Variants in TRAT1 observed in about 807,000 individuals in gnomAD.
TRAT1 encodes T-cell receptor-associated transmembrane adapter 1.
In TRAT1, 20 loss-of-function variants were observed where a neutral mutation model predicts 20.0. The ratio of observed to expected loss-of-function variants is 1.00; its 90% CI spans 0.70 to 1.45. The LOEUF is 1.45. TRAT1 is among the 40% of genes most tolerant of loss of function. TRAT1 has a pLI of 0.00. For synonymous variants in TRAT1, 77 were observed against 74.2 expected (o/e 1.04, Z -0.20); for missense variants, 237 against 224.1 (o/e 1.06, Z -0.37).
chr3:108,841,548 T>C (rs1576522349), intron 3 of TRAT1, among the ~76,000 whole-genome samples: 1 of 152,244 alleles, frequency 6.6e-6, no homozygotes, highest in East Asian at 1.9e-4. Context: ...CCAACATGGT[T>C]TGTGGCCATA....
At chr3:108,845,696 TAA>T (rs1488956401) in intron 3 of TRAT1, among the ~76,000 whole-genome samples, 2 of 152,126 alleles carry the variant, frequency 1.3e-5, no homozygotes, top group African/African-American at 2.4e-5. Flanking sequence ...TGCCTTGAGA[TAA>T]GAGTCCTTTT....
intron 3 of TRAT1, among the ~76,000 whole-genome samples, chr3:108,843,261 G>T (rs568316821): frequency 4.2e-4 from 64 of 152,138 alleles, no homozygotes; most frequent in African/African-American, 1.4e-3. Flanking sequence ...GCCGGGCGTG[G>T]TGGCTCACGC....
chr3:108,853,671 G>T lies in TRAT1; in HGVS notation c.355G>T (p.Gly119Trp). The change falls in exon 6 of 6, where the codon GGG becomes TGG. Residue 119 changes from glycine (G) to tryptophan (W), a missense_variant. By Grantham distance (184) the Gly-to-Trp change is radical (BLOSUM62 -2). Coordinates refer to ENST00000295756, the MANE Select transcript of TRAT1 (RefSeq NM_016388.4). ...CGCCTCACTTGATCACAGCGTTAAGGGGAAGCGTAGAAAGCCCAGGAAACA... is the reference window on the plus strand; with the variant it reads ...CGCCTCACTTGATCACAGCGTTAAGTGGAAGCGTAGAAAGCCCAGGAAACA... ...CYASLDHSVKGKRRKPRKQNT... is the reference protein window; with the variant it reads ...CYASLDHSVKWKRRKPRKQNT... The T allele has an allele frequency of 6.2e-7, 1 of 1,614,064 alleles. No individual in the cohort carries two copies. The highest frequency in any genetic ancestry group is 8.5e-7 in the Non-Finnish European group (1 of 1,179,962).
chr3:108,850,696 T>C (rs9868445), intron 5 of TRAT1, among the ~76,000 whole-genome samples: 1,636 of 152,330 alleles, frequency 0.011, 26 homozygotes, highest in African/African-American at 0.037. Flanking sequence ...AATTATAAAA[T>C]ATATTTTAGA....
At chr3:108,849,316 G>C in intron 5 of TRAT1, 62 bp downstream of exon 5, 1 of 1,372,048 alleles carries the variant, frequency 7.3e-7, no homozygotes, top group Non-Finnish European at 1.0e-6. Flanking sequence ...AGTACATTAT[G>C]ATACACATCT....
intron 1 of TRAT1, among the ~76,000 whole-genome samples, chr3:108,824,498 G>GT (rs1945719277): frequency 6.6e-6 from 1 of 152,082 alleles, no homozygotes; most frequent in African/African-American, 2.4e-5. Flanking sequence ...TTTTTAAACT[G>GT]TTTATAGCTA....
chr3:108,852,062 C>CACAACAACAACA (rs200204521), intron 5 of TRAT1, among the ~76,000 whole-genome samples: 1 of 151,466 alleles, frequency 6.6e-6, no homozygotes, highest in Non-Finnish European at 1.5e-5. Flanking sequence ...AGAAGCTAGA[C>CACAACAACAACA]ACAACAACAA....
chr3:108,844,843 CAAAAAAAAAA>C (rs71103495), intron 3 of TRAT1, among the ~76,000 whole-genome samples: 1 of 47,842 alleles, frequency 2.1e-5, no homozygotes, highest in African/African-American at 8.5e-5. Flanking sequence ...GACTCTGTCT[CAAAAAAAAAA>C]AAAAAAAAAA....
intron 5 of TRAT1, among the ~76,000 whole-genome samples, 172 bp downstream of exon 5, chr3:108,849,426 A>G (rs1368984185): frequency 6.6e-6 from 1 of 152,232 alleles, no homozygotes; most frequent in Non-Finnish European, 1.5e-5. Flanking sequence ...CCATATTCAA[A>G]GAGTCAAAAT....
At position 108,822,867 on chromosome 3, in the gene TRAT1, G is replaced by A; in HGVS notation, c.-61G>A. ...TCACCTAGGAAAAAAGTTTGTAGGA[G>A]GATTTTTAATCCATATATTTGTCTT... On this transcript the variant is annotated 5_prime_UTR_variant, in exon 1 of 6. Transcript: ENST00000295756. The A allele has an allele frequency of 6.6e-7, 1 of 1,515,022 alleles. No homozygotes were observed. The highest frequency in any genetic ancestry group is 9.1e-7 in the Non-Finnish European group (1 of 1,096,076). 93.8% of individuals were successfully genotyped at this position (1,515,022 alleles called of 1,614,324 possible). A position where few individuals can be genotyped will look rare whatever the true frequency, so the allele number is the denominator to read the frequency against.
Position 108,854,078 on chromosome 3 carries a change from C to T in TRAT1, c.*201C>T. On this transcript the variant is annotated 3_prime_UTR_variant, in exon 6 of 6. Coordinates refer to ENST00000295756, the MANE Select transcript of TRAT1 (RefSeq NM_016388.4). ...CCATGAAAATCAGTATTTCAAATAA[C>T]TTAAAAAATGCTTTACTACTAAAAT... 2.0e-6 allele frequency: 1 copy of T among 497,506 alleles called. No individual in the cohort carries two copies. The highest frequency in any genetic ancestry group is 2.9e-5 in the East Asian group (1 of 33,988). The allele number at this position is 497,506 out of a possible 1,614,324, so 30.8% of individuals were successfully genotyped here.
In TRAT1 at chr3:108,822,866, A is replaced by T; in HGVS notation, c.-62A>T. On this transcript the variant is annotated 5_prime_UTR_variant, in exon 1 of 6. Transcript: ENST00000295756. ...ATCACCTAGGAAAAAAGTTTGTAGGAGGATTTTTAATCCATATATTTGTCT... is the reference window on the plus strand; with the variant it reads ...ATCACCTAGGAAAAAAGTTTGTAGGTGGATTTTTAATCCATATATTTGTCT... 2 of 1,504,528 alleles carry T rather than the reference A, an allele frequency of 1.3e-6. No homozygotes were observed. The highest frequency in any genetic ancestry group is 1.8e-6 in the Non-Finnish European group (2 of 1,085,932). 93.2% of individuals were successfully genotyped at this position (1,504,528 alleles called of 1,614,324 possible).
chr3:108,842,628 A>G (rs937125552), intron 3 of TRAT1, among the ~76,000 whole-genome samples: 8 of 152,150 alleles, frequency 5.3e-5, no homozygotes, highest in African/African-American at 1.9e-4. Context: ...AATTCTGAGA[A>G]TTTCGGGGTT....
chr3:108,843,591 A>G (rs1266813181), intron 3 of TRAT1, among the ~76,000 whole-genome samples: 1 of 152,192 alleles, frequency 6.6e-6, no homozygotes, highest in Non-Finnish European at 1.5e-5. Flanking sequence ...ATTGCCTTAC[A>G]GCTACCTCTT....
At position 108,854,000 on chromosome 3, in the gene TRAT1, A is replaced by G; in HGVS notation, c.*123A>G. On this transcript the variant is annotated 3_prime_UTR_variant, in exon 6 of 6. Coordinates refer to ENST00000295756, the MANE Select transcript of TRAT1 (RefSeq NM_016388.4). ...GATGACCTGATCATTTGTTGATGGG[A>G]TGGTGGCTTACCTCTTATTCACAGC... 1.1e-6 allele frequency: 1 copy of G among 876,996 alleles called. No individual in the cohort carries two copies. The highest frequency in any genetic ancestry group is 1.8e-6 in the Non-Finnish European group (1 of 552,446). 54.3% of individuals were successfully genotyped at this position (876,996 alleles called of 1,614,324 possible).
At chr3:108,838,520 T>C (rs529155713) in intron 2 of TRAT1, among the ~76,000 whole-genome samples, 1 of 152,274 alleles carries the variant, frequency 6.6e-6, no homozygotes, top group African/African-American at 2.4e-5. Flanking sequence ...AGGTGTTTCA[T>C]GGAACCCAAA....
chr3:108,839,055 T>G (rs1297477231), intron 3 of TRAT1, 88 bp downstream of exon 3: 12 of 985,740 alleles, frequency 1.2e-5, no homozygotes, highest in Non-Finnish European at 1.8e-5. Context: ...GGCTCATGGA[T>G]ATTGTACTTA....
At chr3:108,834,671 T>C (rs1234892747) in intron 2 of TRAT1, among the ~76,000 whole-genome samples, 1 of 152,260 alleles carries the variant, frequency 6.6e-6, no homozygotes, top group Admixed American at 6.5e-5. Flanking sequence ...TGCATCTTTT[T>C]GTTACTCTTT....
intron 4 of TRAT1, among the ~76,000 whole-genome samples, chr3:108,848,778 C>T (rs562431499): frequency 6.6e-6 from 1 of 152,358 alleles, no homozygotes; most frequent in African/African-American, 2.4e-5. Flanking sequence ...TGTATGTGCA[C>T]TGTGCTTTGT....
Sources: gnomAD v4.1 joint callset for allele counts (sites outside exome capture counted in the v4.1 genomes callset) on GRCh38, gnomAD v4.1.1 for gene constraint, MANE v1.5 for transcripts, NCBI Gene and HGNC (gene_info 2026-07-23, HGNC 2026-07-21) for gene names.